The following CAPN10 variants were observed in gnomAD, a reference collection of about 807,000 sequenced individuals.
The protein encoded by CAPN10 is calpain-10.
CAPN10 carries 71 observed loss-of-function variants against 78.4 expected under a neutral mutation model. The observed-to-expected ratio is 0.91, with a 90% CI of 0.75 to 1.10. The LOEUF (loss-of-function observed/expected upper bound fraction) is 1.10. Among genes scored for constraint, CAPN10 ranks in the 50% least tolerant of loss-of-function variants. The pLI is 0.00. For synonymous variants in CAPN10, 437 were observed against 407.2 expected (o/e 1.07, Z -0.88); for missense variants, 849 against 924.6 (o/e 0.92, Z 1.06).
At position 240,595,130 on chromosome 2, in the gene CAPN10, G is replaced by T. The variant is rs1364035345; in HGVS notation, c.1104G>T (p.Trp368Cys). The T allele has an allele frequency of 2.5e-6, 4 of 1,613,968 alleles. No homozygotes were observed. In the South Asian group the frequency reaches 3.3e-5, roughly 13 times the overall value. ...NSGFPSNPKF[W>C]LRVSEPSEVY... ...GCTTTCCCAGCAACCCCAAATTCTGGCTGCGGGTCTCAGAACCGAGTGAGG... is the reference window on the plus strand; with the variant it reads ...GCTTTCCCAGCAACCCCAAATTCTGTCTGCGGGTCTCAGAACCGAGTGAGG... The change falls in exon 7 of 12, where the codon TGG (tryptophan) becomes TGT (cysteine). Residue 368 changes from tryptophan (W) to cysteine (C), a missense_variant. Transcript: ENST00000391984.
At chr2:240,594,522 C>G in intron 5 of CAPN10, 21 bp from the exon 6 acceptor site, 25 of 1,605,158 alleles carry the variant, frequency 1.6e-5, no homozygotes, top group Non-Finnish European at 2.1e-5. Flanking sequence ...GGGGCTTCTG[C>G]TGAGATGAGG....
In CAPN10 at chr2:240,598,359, A is replaced by G. The variant is rs371891730; in HGVS notation, c.1951A>G (p.Ile651Val). The G allele has an allele frequency of 3.3e-5, 53 of 1,613,712 alleles. No homozygotes were observed. The highest frequency in any genetic ancestry group is 4.1e-5 in the Non-Finnish European group (48 of 1,179,998). ...TIATRIDRPS[I>V]HSQEMLGQFL... Reference sequence around the variant, plus strand: ...TCTGGTGTCTCTCCACAGGCCATCCATTCACAGCCAGGAGATGCTGGGCCA... The same window carrying G: ...TCTGGTGTCTCTCCACAGGCCATCCGTTCACAGCCAGGAGATGCTGGGCCA... The change falls in exon 11 of 12, where the codon ATT becomes GTT. Residue 651 changes from isoleucine to valine, a missense_variant. Physicochemically the swap from Ile to Val is conservative, Grantham distance 29 (BLOSUM62 3). Coordinates refer to ENST00000391984, the MANE Select transcript of CAPN10 (RefSeq NM_023083.4).
intron 11 of CAPN10, 33 bp from the exon 12 acceptor site, chr2:240,598,610 CGAGTGCCA>C (rs761375707): frequency 1.7e-5 from 26 of 1,561,714 alleles, no homozygotes; most frequent in Non-Finnish European, 2.1e-5. Context: ...TGAGAAGGGG[CGAGTGCCA>C]CCGCTGCCCG....
rs1349277777 is a variant in CAPN10 at position 240,598,717 on chromosome 2, C to T, written c.*37C>T. 6.4e-7 allele frequency: 1 copy of T among 1,553,644 alleles called. No individual in the cohort carries two copies. Among genetic ancestry groups the T allele is most frequent in the Admixed American group, 1.9e-5 (1 of 51,534 alleles). ...CCTGTGCCAGCTCAGGTGACTGGAG[C>T]CCGAGGGCCTGACAGGTTCCCAGCA... On this transcript the variant is annotated 3_prime_UTR_variant, in exon 12 of 12. Coordinates refer to ENST00000391984, the MANE Select transcript of CAPN10 (RefSeq NM_023083.4).
intron 9 of CAPN10, among the ~76,000 whole-genome samples, chr2:240,597,305 T>G (rs991125358): frequency 5.9e-5 from 9 of 152,120 alleles, no homozygotes; most frequent in African/African-American, 2.2e-4. Context: ...AGGGGGCTGA[T>G]GGACTCAGGA....
In CAPN10 at chr2:240,598,950, G is replaced by T; in HGVS notation, c.*270G>T. 1 of 554,276 alleles carries T rather than the reference G, an allele frequency of 1.8e-6. No homozygotes were observed. The highest frequency in any genetic ancestry group is 3.2e-6 in the Non-Finnish European group (1 of 308,466). 34.3% of individuals were successfully genotyped at this position (554,276 alleles called of 1,614,324 possible). On this transcript the variant is annotated 3_prime_UTR_variant, in exon 12 of 12. Coordinates refer to ENST00000391984, the MANE Select transcript of CAPN10 (RefSeq NM_023083.4). ...AGACGGCAGAGACCCCAGGATCCCA[G>T]AGCTTCCCAGGATCCCTCCCAGATC...
At chr2:240,588,588 C>T (rs778810195) in intron 1 of CAPN10, among the ~76,000 whole-genome samples, 3 of 152,044 alleles carry the variant, frequency 2.0e-5, no homozygotes, top group African/African-American at 7.3e-5. Context: ...AAGAGAAGCC[C>T]AGTGGGTTTG....
In CAPN10 at chr2:240,596,377, C is replaced by T. The variant is rs1367252467; in HGVS notation, c.1337C>T (p.Thr446Ile). Residue 446 changes from threonine (T) to isoleucine (I), a missense_variant, in exon 8 of 12, where the codon ACC becomes ATC. Physicochemically the swap from Thr to Ile is moderately conservative, Grantham distance 89. Coordinates refer to ENST00000391984, the MANE Select transcript of CAPN10 (RefSeq NM_023083.4). ...RVLSMPPVAG[T>I]ACHAYDREVH... ...CTGTCCATGCCCCCCGTGGCTGGCA[C>T]CGCGTGCCATGCATACGACCGGGAG... 3.1e-6 allele frequency: 5 copies of T among 1,612,972 alleles called. 1 individual carries two copies. The highest frequency in any genetic ancestry group is 1.3e-5 in the African/African-American group (1 of 74,922).
At chr2:240,587,073 G>A (rs1223813176) in intron 1 of CAPN10, 21 bp downstream of exon 1, 4 of 1,357,438 alleles carry the variant, frequency 2.9e-6, no homozygotes, top group African/African-American at 1.5e-5. Context: ...GTGGGGTGCG[G>A]TGGGCGCCGT....
chr2:240,596,698 C>A lies in CAPN10; in HGVS notation c.1499C>A (p.Ala500Asp). 1 of 1,558,148 alleles carries A rather than the reference C, an allele frequency of 6.4e-7. No homozygotes were observed. Among genetic ancestry groups the A allele is most frequent in the Non-Finnish European group, 8.7e-7 (1 of 1,151,558 alleles). ...RVSLSAIRAV[A>D]KNTTPGAALP... ...CTTGGCAGCGCCATCAGGGCAGTGG[C>A]CAAGAACACCACCCCCGGGGCAGCC... Residue 500 changes from alanine (A) to aspartate (D), a missense_variant, in exon 9 of 12, where the codon GCC becomes GAC. Transcript: ENST00000391984.
Position 240,590,957 on chromosome 2 carries a change from G to T in CAPN10, c.416G>T (p.Arg139Leu). The change falls in exon 3 of 12, where the codon CGC becomes CTC. Residue 139 changes from arginine (R) to leucine (L), a missense_variant. Coordinates refer to ENST00000391984, the MANE Select transcript of CAPN10 (RefSeq NM_023083.4). ...PCLAGRLCFS[R>L]CQREDVFWLP... ...CTTGCAGGGAGACTCTGTTTCTCCC[G>T]CTGCCAGAGGGAGGATGTGTTCTGG... 2 of 1,614,176 alleles carry T rather than the reference G, an allele frequency of 1.2e-6. No individual in the cohort carries two copies. The highest frequency in any genetic ancestry group is 1.7e-6 in the Non-Finnish European group (2 of 1,180,030).
chr2:240,596,669 T>C lies in CAPN10; in HGVS notation c.1482-12T>C. The C allele has an allele frequency of 6.5e-7, 1 of 1,534,256 alleles. No homozygotes were observed. The highest frequency in any genetic ancestry group is 8.8e-7 in the Non-Finnish European group (1 of 1,140,570). On this transcript the variant is annotated splice_polypyrimidine_tract_variant and intron_variant, in intron 8 of 11. Transcript: ENST00000391984. Reference sequence around the variant, plus strand: ...TGCTGCCAGCGCCCTCCCATGTTTGTCTTCTTGGCAGCGCCATCAGGGCAG... The same window carrying C: ...TGCTGCCAGCGCCCTCCCATGTTTGCCTTCTTGGCAGCGCCATCAGGGCAG...
intron 2 of CAPN10, 154 bp downstream of exon 2, chr2:240,589,628 G>A: frequency 1.1e-6 from 1 of 940,318 alleles, no homozygotes; most frequent in Non-Finnish European, 1.6e-6. Flanking sequence ...CAAGGCAGAG[G>A]CTGAGGACTG....
At position 240,595,169 on chromosome 2, in the gene CAPN10, C is replaced by A. The variant is rs377560561; in HGVS notation, c.1143C>A (p.Val381=). ...VSEPSEVYIA[V]LQRSRLHAAD... is the part of the protein sequence containing the mutation. ...AACCGAGTGAGGTGTACATTGCCGTCCTGCAGAGATCCAGGCTGCACGCGG... is the reference window on the plus strand; with the variant it reads ...AACCGAGTGAGGTGTACATTGCCGTACTGCAGAGATCCAGGCTGCACGCGG... The change falls in exon 7 of 12, where the codon GTC becomes GTA. Residue 381 remains valine (V), a synonymous_variant. Coordinates refer to ENST00000391984, the MANE Select transcript of CAPN10 (RefSeq NM_023083.4). 1.8e-5 allele frequency: 29 copies of A among 1,613,790 alleles called. No homozygotes were observed. Among genetic ancestry groups the A allele is most frequent in the Non-Finnish European group, 5.1e-6 (6 of 1,180,054 alleles).
At position 240,596,692 on chromosome 2, in the gene CAPN10, C is replaced by T. The variant is rs1393004954; in HGVS notation, c.1493C>T (p.Ala498Val). 6.4e-7 allele frequency: 1 copy of T among 1,553,380 alleles called. No homozygotes were observed. Among genetic ancestry groups the T allele is most frequent in the South Asian group, 1.2e-5 (1 of 80,732 alleles). Reference protein sequence around the residue: ...TGRVSLSAIRAVAKNTTPGAA... With the variant: ...TGRVSLSAIRVVAKNTTPGAA... ...TGTCTTCTTGGCAGCGCCATCAGGG[C>T]AGTGGCCAAGAACACCACCCCCGGG... Residue 498 changes from alanine (A) to valine (V), a missense_variant, in exon 9 of 12, where the codon GCA becomes GTA. Physicochemically the swap from Ala to Val is moderately conservative, Grantham distance 64. Transcript: ENST00000391984.
chr2:240,597,267 G>A (rs2093142899), intron 9 of CAPN10, among the ~76,000 whole-genome samples: 1 of 152,222 alleles, frequency 6.6e-6, no homozygotes, highest in Admixed American at 6.5e-5. Flanking sequence ...GACCAGCGGG[G>A]GTGGGTCGAG....
chr2:240,594,554 G>A lies in CAPN10; in HGVS notation c.842G>A (p.Trp281Ter), dbSNP rs2093123702. 6.2e-7 allele frequency: 1 copy of A among 1,613,312 alleles called. No individual in the cohort carries two copies. The highest frequency in any genetic ancestry group is 8.5e-7 in the Non-Finnish European group (1 of 1,179,634). ...QGLWREGGEG[W>*]SQVDAAVASE... ...GAGGTTTCTTCCAGGGGTGAAGGGT[G>A]GAGCCAGGTAGATGCAGCGGTAGCA... Residue 281 changes from tryptophan to a stop codon, truncating the protein, a stop_gained, in exon 6 of 12, where the codon TGG becomes TAG. Transcript: ENST00000391984. LOFTEE classifies it high-confidence loss of function.
chr2:240,597,283 G>A (rs1378496285), intron 9 of CAPN10, among the ~76,000 whole-genome samples: 3 of 152,202 alleles, frequency 2.0e-5, no homozygotes, highest in African/African-American at 7.2e-5. Flanking sequence ...TCGAGCCCTG[G>A]CTTGGGAACG....
In CAPN10 at chr2:240,596,363, C is replaced by G. The variant is rs764054638; in HGVS notation, c.1323C>G (p.Pro441=). The G allele has an allele frequency of 6.2e-7, 1 of 1,612,794 alleles. No homozygotes were observed. Among genetic ancestry groups the G allele is most frequent in the East Asian group, 2.2e-5 (1 of 44,860 alleles). ...ATCTGCCTAGGGTCCTGTCCATGCC[C>G]CCCGTGGCTGGCACCGCGTGCCATG... ...RVNLPRVLSM[P]PVAGTACHAY... is the part of the protein sequence containing the mutation. The change falls in exon 8 of 12, where the codon CCC becomes CCG. Residue 441 remains proline, a synonymous_variant. Coordinates refer to ENST00000391984, the MANE Select transcript of CAPN10 (RefSeq NM_023083.4).
Sources: gnomAD v4.1 joint callset for allele counts (sites outside exome capture counted in the v4.1 genomes callset) on GRCh38, gnomAD v4.1.1 for gene constraint, MANE v1.5 for transcripts, NCBI Gene and HGNC (gene_info 2026-07-23, HGNC 2026-07-21) for gene names.